The following TANGO6 variants were observed in gnomAD, a reference collection of about 807,000 sequenced individuals.
The protein encoded by TANGO6 is transport and golgi organization 6 homolog.
In TANGO6, 90 loss-of-function variants were observed where a neutral mutation model predicts 114.2. That is an observed-to-expected ratio of 0.79 (90% CI 0.66 to 0.94). TANGO6 has a LOEUF of 0.94. Ranked by LOEUF, TANGO6 falls within the 40% of genes least tolerant of loss-of-function variation. TANGO6 has a pLI of 0.00. For missense variants in TANGO6, 1,274 were observed against 1,315.3 expected (o/e 0.97, Z 0.49); for synonymous variants, 477 against 509.8 (o/e 0.94, Z 0.87).
In TANGO6 at chr16:68,919,096, T is replaced by C. The variant is rs2152190814; in HGVS notation, c.2004T>C (p.Phe668=). The C allele has an allele frequency of 3.1e-6, 5 of 1,613,022 alleles. No individual in the cohort carries two copies. The highest frequency in any genetic ancestry group is 2.2e-5 in the South Asian group (2 of 90,868). The change falls in exon 12 of 18, where the codon TTT becomes TTC. Residue 668 remains phenylalanine, a synonymous_variant. Transcript: ENST00000261778. ...IFTNVTQVVD[F]VAATLQRACA... is the part of the protein sequence containing the mutation. The stretch of plus-strand genomic sequence containing the variant: ...CCTTTTTTGGGTAGGTGGTGGACTT[T>C]GTAGCAGCAACATTGCAGAGAGCCT...
chr16:69,022,820 T>G lies in TANGO6; in HGVS notation c.2843-8T>G. Reference sequence around the variant, plus strand: ...TAAGGGGTTTTGATTTCTTCCTTTTTCCTATAGGAGACATGGTCTCAAAGT... The same window carrying G: ...TAAGGGGTTTTGATTTCTTCCTTTTGCCTATAGGAGACATGGTCTCAAAGT... On this transcript the variant is annotated splice_region_variant and splice_polypyrimidine_tract_variant and intron_variant, in intron 15 of 17. Coordinates refer to ENST00000261778, the MANE Select transcript of TANGO6 (RefSeq NM_024562.2). 2 of 1,565,816 alleles carry G rather than the reference T, an allele frequency of 1.3e-6. No homozygotes were observed. Among genetic ancestry groups the G allele is most frequent in the Non-Finnish European group, 1.7e-6 (2 of 1,154,912 alleles).
chr16:68,929,211 G>T (rs564006653), intron 13 of TANGO6, among the ~76,000 whole-genome samples: 3 of 152,230 alleles, frequency 2.0e-5, no homozygotes, highest in African/African-American at 2.4e-5. Flanking sequence ...GAGCCACCGC[G>T]CCTGGCCTTA....
intron 7 of TANGO6, among the ~76,000 whole-genome samples, chr16:68,883,241 C>T (rs998329761): frequency 6.6e-6 from 1 of 152,112 alleles, no homozygotes; most frequent in Admixed American, 6.5e-5. Flanking sequence ...TACAGGCATG[C>T]CTGTCATCCC....
chr16:68,882,726 A>T (rs766442621), intron 7 of TANGO6, among the ~76,000 whole-genome samples: 11 of 91,590 alleles, frequency 1.2e-4, no homozygotes, highest in South Asian at 5.3e-4. Flanking sequence ...CAGTTTTATT[A>T]AAAAAAAAAA....
chr16:69,027,205 A>C (rs1185999413), intron 16 of TANGO6, among the ~76,000 whole-genome samples: 4 of 152,170 alleles, frequency 2.6e-5, no homozygotes, highest in Non-Finnish European at 5.9e-5. Flanking sequence ...GTGTCATATC[A>C]ATAAGCAGAG....
Position 68,860,129 on chromosome 16 carries a change from G to A in TANGO6, c.340G>A (p.Ala114Thr). 1.9e-6 allele frequency: 3 copies of A among 1,614,004 alleles called. No individual in the cohort carries two copies. Among genetic ancestry groups the A allele is most frequent in the Non-Finnish European group, 2.5e-6 (3 of 1,179,894 alleles). Residue 114 changes from alanine to threonine, a missense_variant, in exon 2 of 18, where the codon GCT (alanine) becomes ACT (threonine). Physicochemically the swap from Ala to Thr is moderately conservative, Grantham distance 58 (BLOSUM62 0). Around this residue, in one of 5 missense-constraint regions of TANGO6, gnomAD observed 908 missense variants for 910.2 expected, o/e 1.00. Coordinates refer to ENST00000261778, the MANE Select transcript of TANGO6 (RefSeq NM_024562.2). Reference sequence around the variant, plus strand: ...GAAGGAAACCATGATCCGCCTTGCAGCTAATTTCAATCCAGGTAAACCCAA... The same window carrying A: ...GAAGGAAACCATGATCCGCCTTGCAACTAATTTCAATCCAGGTAAACCCAA... ...CLKETMIRLA[A>T]NFNPGKPNPR...
At chr16:68,998,368 C>G (rs1021132281) in intron 15 of TANGO6, among the ~76,000 whole-genome samples, 6 of 152,036 alleles carry the variant, frequency 3.9e-5, no homozygotes, top group African/African-American at 1.4e-4. Context: ...ACAGGTATAC[C>G]ATAGTTTTTG....
chr16:68,886,725 G>T (rs1962544102), intron 7 of TANGO6, among the ~76,000 whole-genome samples: 2 of 151,922 alleles, frequency 1.3e-5, no homozygotes, highest in African/African-American at 4.8e-5. Context: ...TGACCAGGCT[G>T]GTCTTGAACT....
At chr16:68,981,631 T>C (rs1021784802) in intron 15 of TANGO6, among the ~76,000 whole-genome samples, 1 of 152,226 alleles carries the variant, frequency 6.6e-6, no homozygotes, top group African/African-American at 2.4e-5. Flanking sequence ...ACTTGGCAAA[T>C]TGAATTAAAT....
chr16:68,957,632 C>T (rs1963546325), intron 14 of TANGO6, among the ~76,000 whole-genome samples: 1 of 151,842 alleles, frequency 6.6e-6, no homozygotes, highest in Non-Finnish European at 1.5e-5. Context: ...CTCCCAACCT[C>T]AAATCATCTG....
chr16:68,853,886 T>C (rs891507755), intron 1 of TANGO6, among the ~76,000 whole-genome samples: 8 of 152,214 alleles, frequency 5.3e-5, no homozygotes, highest in Admixed American at 3.9e-4. Context: ...ATTAATGATA[T>C]TGAGCATCTT....
chr16:68,955,543 T>A (rs1963520528), intron 14 of TANGO6, among the ~76,000 whole-genome samples: 1 of 152,222 alleles, frequency 6.6e-6, no homozygotes, highest in African/African-American at 2.4e-5. Context: ...CTTATTAAGA[T>A]GCTGAGACGA....
intron 14 of TANGO6, among the ~76,000 whole-genome samples, chr16:68,943,420 G>C (rs1963376751): frequency 6.7e-6 from 1 of 148,506 alleles, no homozygotes; most frequent in Non-Finnish European, 1.5e-5. Flanking sequence ...CTGGAGTGCA[G>C]TGGCGCAGTC....
rs189308681 is a variant in TANGO6 at position 68,864,106 on chromosome 16, A to G, written c.852+1045A>G. On this transcript the variant is annotated intron_variant, in intron 3 of 17. Coordinates refer to ENST00000261778, the MANE Select transcript of TANGO6 (RefSeq NM_024562.2). ...GGAGAATCGCTTGAACACAAGAGGC[A>G]GAGGTTGCAGCGAGATGAGATCACG... Among the ~76,000 whole-genome samples the G allele has an allele frequency of 3.2e-4, 48 of 152,086 alleles. No individual in the cohort carries two copies. In the East Asian group the frequency reaches 7.4e-3, roughly 23 times the overall value.
chr16:68,921,386 GT>G (rs1467151245), intron 12 of TANGO6, among the ~76,000 whole-genome samples: 3 of 151,550 alleles, frequency 2.0e-5, no homozygotes, highest in Non-Finnish European at 4.4e-5. Flanking sequence ...GTTTTGCCAT[GT>G]TGGCCAGGCT....
intron 1 of TANGO6, among the ~76,000 whole-genome samples, chr16:68,848,535 G>T (rs1961851216): frequency 1.3e-5 from 2 of 151,634 alleles, no homozygotes; most frequent in South Asian, 4.2e-4. Context: ...AAAAACAATT[G>T]AAACTATAAT....
chr16:68,975,246 C>T (rs1963752160), intron 15 of TANGO6, among the ~76,000 whole-genome samples: 1 of 152,192 alleles, frequency 6.6e-6, no homozygotes, highest in Admixed American at 6.5e-5. Flanking sequence ...GTCCAAGACT[C>T]ATTCAGCTGG....
intron 17 of TANGO6, among the ~76,000 whole-genome samples, chr16:69,074,836 GTGTA>G (rs1156956500): frequency 1.2e-4 from 17 of 139,834 alleles, no homozygotes; most frequent in African/African-American, 4.6e-4. Context: ...GTGTGTGTGT[GTGTA>G]TAATTATTAT....
chr16:68,867,069 T>C lies in TANGO6; in HGVS notation c.853-10T>C. On this transcript the variant is annotated splice_polypyrimidine_tract_variant and intron_variant, in intron 3 of 17. Coordinates refer to ENST00000261778, the MANE Select transcript of TANGO6 (RefSeq NM_024562.2). ...GACATTCAGAATTCACACCTTCTTC[T>C]TTTTCTCAGTCCTGCACAGATGTGA... is the stretch of plus-strand genomic sequence containing the variant. 1 of 1,606,802 alleles carries C rather than the reference T, an allele frequency of 6.2e-7. No homozygotes were observed. The highest frequency in any genetic ancestry group is 8.5e-7 in the Non-Finnish European group (1 of 1,177,264).
Sources: gnomAD v4.1 joint callset for allele counts (sites outside exome capture counted in the v4.1 genomes callset) on GRCh38, gnomAD v4.1.1 for gene constraint, gnomAD v4.1.1 regional missense constraint, MANE v1.5 for transcripts, NCBI Gene and HGNC (gene_info 2026-07-23, HGNC 2026-07-21) for gene names.